The following MYO5C variants were observed in gnomAD, a reference collection of about 807,000 sequenced individuals.
MYO5C encodes the protein unconventional myosin-Vc.
Under a neutral mutation model 235.7 loss-of-function variants are expected in MYO5C, and 194 were observed. That is an observed-to-expected ratio of 0.82 (90% CI 0.73 to 0.93). The LOEUF (loss-of-function observed/expected upper bound fraction) is 0.93. Ranked by LOEUF, MYO5C falls within the 40% of genes least tolerant of loss-of-function variation. The pLI is 0.00. For missense variants in MYO5C, 2,038 were observed against 2,127.2 expected, an observed-to-expected ratio of 0.96 and a Z score of 0.82; for synonymous variants, 707 against 754.8, an observed-to-expected ratio of 0.94 and a Z score of 1.04.
chr15:52,271,692 A>C, intron 7 of MYO5C, 71 bp downstream of exon 7: 3 of 858,266 alleles, frequency 3.5e-6, no homozygotes, highest in East Asian at 2.8e-5. Flanking sequence ...TATTACTATA[A>C]GAAGAAAGTT....
rs755647396 is a variant in MYO5C, at chr15:52,205,152, GGA to G, written c.4538-7_4538-6del. 1.2e-6 allele frequency: 2 copies of G among 1,611,620 alleles called. No individual in the cohort carries two copies. The highest frequency in any genetic ancestry group is 1.7e-6 in the Non-Finnish European group (2 of 1,178,788). On this transcript the variant is annotated splice_polypyrimidine_tract_variant and splice_region_variant and intron_variant, in intron 37 of 40. Transcript: ENST00000261839. Reference sequence around the variant, plus strand: ...CATACTCCAGCATTCCCGGAACTGCGGAGAGACAGGGAGGCTGTGCTGACACG... The same window carrying G: ...CATACTCCAGCATTCCCGGAACTGCGGAGACAGGGAGGCTGTGCTGACACG...
At chr15:52,217,674 T>C (rs2035585663) in intron 32 of MYO5C, among the ~76,000 whole-genome samples, 1 of 152,224 alleles carries the variant, frequency 6.6e-6, no homozygotes, top group Non-Finnish European at 1.5e-5. Flanking sequence ...TCCTGGAATT[T>C]CTCTTTTTGG....
intron 35 of MYO5C, 69 bp downstream of exon 35, chr15:52,211,661 G>A: frequency 1.3e-6 from 2 of 1,522,622 alleles, no homozygotes; most frequent in Non-Finnish European, 1.8e-6. Flanking sequence ...CTCAGGATGG[G>A]CAAAGACTGG....
chr15:52,291,604 G>T (rs928380925), intron 1 of MYO5C, among the ~76,000 whole-genome samples: 1 of 151,874 alleles, frequency 6.6e-6, no homozygotes, highest in Non-Finnish European at 1.5e-5. Context: ...CAAAACTAGC[G>T]GCCAAACCTA....
At chr15:52,199,679 CT>C (rs773434440) in intron 38 of MYO5C, among the ~76,000 whole-genome samples, 1 of 152,124 alleles carries the variant, frequency 6.6e-6, no homozygotes, top group African/African-American at 2.4e-5. Context: ...TTTCCCTCTC[CT>C]TTTTCTCTAT....
At chr15:52,221,528 G>A (rs562550130) in intron 29 of MYO5C, among the ~76,000 whole-genome samples, 22 of 152,292 alleles carry the variant, frequency 1.4e-4, no homozygotes, top group Admixed American at 1.2e-3. Flanking sequence ...CCTATGCTGA[G>A]TTGAGGGAGG....
chr15:52,287,518 G>GA lies in MYO5C; in HGVS notation c.28-4627dup, dbSNP rs1347710278. ...CTATTACTTTCATAATCAGAACAATGAATGTTAATCTTTAAAGGCAAATAT... is the reference window on the plus strand; with the variant it reads ...CTATTACTTTCATAATCAGAACAATGAAATGTTAATCTTTAAAGGCAAATAT... On this transcript the variant is annotated intron_variant, in intron 1 of 40. Coordinates refer to ENST00000261839, the MANE Select transcript of MYO5C (RefSeq NM_018728.4). Among the ~76,000 whole-genome samples, 13 of 152,278 alleles carry GA rather than the reference G, an allele frequency of 8.5e-5. No homozygotes were observed. The East Asian group carries it at 2.5e-3, about 29-fold the overall frequency.
chr15:52,274,343 A>G (rs1485984381), intron 5 of MYO5C, among the ~76,000 whole-genome samples: 2 of 152,122 alleles, frequency 1.3e-5, no homozygotes, highest in Admixed American at 6.6e-5. Context: ...CAGTGGTGCA[A>G]TCTTGGCTCA....
chr15:52,197,828 G>A (rs374672131), intron 38 of MYO5C, among the ~76,000 whole-genome samples: 5 of 151,720 alleles, frequency 3.3e-5, no homozygotes, highest in African/African-American at 9.7e-5. Context: ...TAGAGACAGG[G>A]TTTCACCATG....
chr15:52,224,502 G>A (rs923583330), intron 28 of MYO5C, among the ~76,000 whole-genome samples: 5 of 152,132 alleles, frequency 3.3e-5, no homozygotes, highest in African/African-American at 1.2e-4. Context: ...TGTGTGTGTG[G>A]TGGCAGGGAT....
chr15:52,223,744 G>T lies in MYO5C; in HGVS notation c.3447-20C>A, dbSNP rs758230773. 8.1e-6 allele frequency: 13 copies of T among 1,604,400 alleles called. No homozygotes were observed. The highest frequency in any genetic ancestry group is 2.2e-5 in the East Asian group (1 of 44,734). ...AAAACACTATTAAAGGAGGGGTCAA[G>T]AAATAAACCACATGGCCTTTGTTCT... On this transcript the variant is annotated intron_variant, in intron 28 of 40. Coordinates refer to ENST00000261839, the MANE Select transcript of MYO5C (RefSeq NM_018728.4).
intron 11 of MYO5C, among the ~76,000 whole-genome samples, chr15:52,254,861 C>T (rs1010024048): frequency 2.6e-5 from 4 of 152,216 alleles, no homozygotes; most frequent in African/African-American, 9.6e-5. Flanking sequence ...GAGAGTTTGA[C>T]TTCAGGTGAG....
chr15:52,216,110 C>G (rs1310031993), intron 32 of MYO5C, among the ~76,000 whole-genome samples: 1 of 152,172 alleles, frequency 6.6e-6, no homozygotes, highest in Admixed American at 6.5e-5. Flanking sequence ...AATAAGCCCT[C>G]AAGAAAGTTT....
intron 10 of MYO5C, among the ~76,000 whole-genome samples, chr15:52,257,637 C>A (rs552650360): frequency 2.0e-5 from 3 of 152,306 alleles, no homozygotes; most frequent in East Asian, 3.9e-4. Flanking sequence ...CACGTCACCT[C>A]CTATAACCCT....
chr15:52,245,354 C>G lies in MYO5C; in HGVS notation c.2178G>C (p.Gln726His). 6.2e-7 allele frequency: 1 copy of G among 1,608,266 alleles called. No homozygotes were observed. The highest frequency in any genetic ancestry group is 2.2e-5 in the East Asian group (1 of 44,876). Residue 726 changes from glutamine (Q) to histidine (H), a missense_variant and splice_region_variant, in exon 18 of 41, where the codon CAG becomes CAC. Physicochemically the swap from Gln to His is conservative, Grantham distance 24. Coordinates refer to ENST00000261839, the MANE Select transcript of MYO5C (RefSeq NM_018728.4). ...GATCCCAGGAGGTGGGGAAACTGAC[C>G]TGGATGAGTCTGTGTAAAACCACCT... ...VCKVVLHRLIQDSNQYQFGKT... is the reference protein window; with the variant it reads ...VCKVVLHRLIHDSNQYQFGKT...
intron 2 of MYO5C, 26 bp from the exon 3 acceptor site, chr15:52,279,700 C>T: frequency 6.3e-7 from 1 of 1,588,714 alleles, no homozygotes; most frequent in Non-Finnish European, 8.6e-7. Context: ...AAAATTAAAG[C>T]TCTGGAAATA....
At chr15:52,200,695 C>T (rs1190709075) in intron 38 of MYO5C, among the ~76,000 whole-genome samples, 1 of 152,020 alleles carries the variant, frequency 6.6e-6, no homozygotes, top group Non-Finnish European at 1.5e-5. Context: ...AACAAAACAA[C>T]TAATAGAAGT....
At chr15:52,195,962 C>CTTTTTTTTTTTTTTTT (rs71130140) in intron 39 of MYO5C, among the ~76,000 whole-genome samples, 4 of 80,994 alleles carry the variant, frequency 4.9e-5, no homozygotes, top group African/African-American at 2.0e-4. Flanking sequence ...TCACACCCAG[C>CTTTTTTTTTTTTTTTT]TTTTTTTTTT....
At chr15:52,198,356 G>C (rs1236852821) in intron 38 of MYO5C, among the ~76,000 whole-genome samples, 1 of 152,114 alleles carries the variant, frequency 6.6e-6, no homozygotes, top group Non-Finnish European at 1.5e-5. Context: ...ATCAGTCCCA[G>C]CTGTGACCTT....
Sources: gnomAD v4.1 joint callset for allele counts (sites outside exome capture counted in the v4.1 genomes callset) on GRCh38, gnomAD v4.1.1 for gene constraint, MANE v1.5 for transcripts, NCBI Gene and HGNC (gene_info 2026-07-23, HGNC 2026-07-21) for gene names.